GPC6: variants seen among roughly 807,000 people sequenced by gnomAD.
The protein encoded by GPC6 is glypican 6.
In GPC6, 14 loss-of-function variants were observed where a neutral mutation model predicts 55.2. That is an observed-to-expected ratio of 0.25 (90% confidence interval 0.17 to 0.40). The LOEUF (loss-of-function observed/expected upper bound fraction) is 0.40. Among genes scored for constraint, GPC6 ranks in the 10% least tolerant of loss-of-function variants. GPC6 has a pLI of 1.00. For synonymous variants in GPC6, 278 were observed against 259.6 expected, an observed-to-expected ratio of 1.07 and a Z score of -0.68; for missense variants, 641 against 708.5, an observed-to-expected ratio of 0.90 and a Z score of 1.08.
chr13:93,733,887 G>A (rs1228430801), intron 2 of GPC6, among the ~76,000 whole-genome samples: 2 of 152,108 alleles, frequency 1.3e-5, no homozygotes, highest in Non-Finnish European at 2.9e-5. Context: ...AGATGATGGT[G>A]GATGTTTTTC....
At chr13:93,748,156 G>A (rs554066398) in intron 2 of GPC6, among the ~76,000 whole-genome samples, 3 of 152,178 alleles carry the variant, frequency 2.0e-5, no homozygotes, top group East Asian at 3.9e-4. Context: ...TATTACCAAC[G>A]ATACTATTCT....
At chr13:94,271,366 A>ACACG (rs1491208962) in intron 4 of GPC6, among the ~76,000 whole-genome samples, 2 of 131,224 alleles carry the variant, frequency 1.5e-5, no homozygotes, top group African/African-American at 2.8e-5. Flanking sequence ...ACACACACAC[A>ACACG]CGCGCGCGCG....
intron 4 of GPC6, among the ~76,000 whole-genome samples, chr13:94,045,691 T>G (rs1284408315): frequency 2.7e-5 from 4 of 150,468 alleles, no homozygotes; most frequent in Non-Finnish European, 4.4e-5. Context: ...TGGCTGTAAC[T>G]CAGCCACTTG....
At chr13:93,835,768 A>AAATAAAT (rs1887710063) in intron 3 of GPC6, among the ~76,000 whole-genome samples, 1 of 152,154 alleles carries the variant, frequency 6.6e-6, no homozygotes, top group Non-Finnish European at 1.5e-5. Flanking sequence ...ATAAATAAAT[A>AAATAAAT]AATAAATTTA....
chr13:94,327,521 G>T (rs1877187669), intron 6 of GPC6, among the ~76,000 whole-genome samples: 1 of 152,130 alleles, frequency 6.6e-6, no homozygotes, highest in Non-Finnish European at 1.5e-5. Context: ...GTTTACTGCA[G>T]TCAGAGCAAA....
At chr13:93,314,729 G>A (rs1453674823) in intron 1 of GPC6, among the ~76,000 whole-genome samples, 12 of 113,204 alleles carry the variant, frequency 1.1e-4, no homozygotes, top group East Asian at 4.6e-4. Flanking sequence ...GTGTGTGTGT[G>A]TGTGTGTGTG....
intron 2 of GPC6, among the ~76,000 whole-genome samples, chr13:93,693,459 A>ATC (rs1175928614): frequency 9.1e-5 from 8 of 88,302 alleles, no homozygotes; most frequent in African/African-American, 2.8e-4. Flanking sequence ...GTGTATGTAT[A>ATC]TCTGTGTGTG....
At chr13:93,842,317 T>G (rs1321754474) in intron 3 of GPC6, among the ~76,000 whole-genome samples, 4 of 152,160 alleles carry the variant, frequency 2.6e-5, no homozygotes, top group Non-Finnish European at 4.4e-5. Flanking sequence ...CTTACGATAT[T>G]CTGCTGCATC....
chr13:93,633,249 G>A (rs1879536246), intron 2 of GPC6, among the ~76,000 whole-genome samples: 1 of 152,134 alleles, frequency 6.6e-6, no homozygotes, highest in African/African-American at 2.4e-5. Context: ...AGAATCATGG[G>A]ACACTGACTA....
intron 4 of GPC6, among the ~76,000 whole-genome samples, chr13:94,105,121 G>A (rs377350014): frequency 1.4e-4 from 21 of 152,248 alleles, no homozygotes; most frequent in South Asian, 4.1e-4. Context: ...GTGGGAGGCC[G>A]AGGCAAGAGG....
chr13:93,602,910 C>A (rs1375491067), intron 2 of GPC6, among the ~76,000 whole-genome samples: 1 of 152,196 alleles, frequency 6.6e-6, no homozygotes, highest in Non-Finnish European at 1.5e-5. Context: ...TAAGTCCATG[C>A]AAACATTTAA....
chr13:94,361,115 T>C (rs1217305028), intron 6 of GPC6, among the ~76,000 whole-genome samples: 1 of 152,232 alleles, frequency 6.6e-6, no homozygotes, highest in Non-Finnish European at 1.5e-5. Context: ...CTTTCAACAT[T>C]TTTTACAAAT....
chr13:93,352,316 T>A (rs990501184), intron 1 of GPC6, among the ~76,000 whole-genome samples: 19 of 152,226 alleles, frequency 1.2e-4, no homozygotes, highest in Non-Finnish European at 2.6e-4. Context: ...AAATTTATTC[T>A]TTTTAAAATT....
intron 4 of GPC6, among the ~76,000 whole-genome samples, chr13:94,109,183 A>G (rs376466834): frequency 6.6e-6 from 1 of 152,204 alleles, no homozygotes; most frequent in East Asian, 1.9e-4. Flanking sequence ...TCGTTTGCAT[A>G]AAGGGCCTAG....
At chr13:93,560,766 CAA>C (rs34043494) in intron 2 of GPC6, among the ~76,000 whole-genome samples, 268 of 125,350 alleles carry the variant, frequency 2.1e-3, no homozygotes, top group East Asian at 3.1e-3. Context: ...ACTCCGCCTC[CAA>C]AAAAAAAAAA....
chr13:93,794,035 T>C (rs2138926579), intron 2 of GPC6, among the ~76,000 whole-genome samples: 1 of 152,300 alleles, frequency 6.6e-6, no homozygotes, highest in Non-Finnish European at 1.5e-5. Flanking sequence ...ATAATTTCAG[T>C]ACTGCAAATG....
chr13:93,506,894 C>CA (rs34398987), intron 1 of GPC6, among the ~76,000 whole-genome samples: 12,485 of 122,874 alleles, frequency 0.1, 966 homozygotes, highest in East Asian at 0.46. Flanking sequence ...AAAGAAAATA[C>CA]AAAAAAAAAA....
intron 4 of GPC6, among the ~76,000 whole-genome samples, chr13:94,161,513 G>A (rs991837698): frequency 4.6e-5 from 7 of 152,084 alleles, no homozygotes; most frequent in Admixed American, 3.3e-4. Context: ...ACAAGACTTG[G>A]TATTCTCAGT....
intron 3 of GPC6, among the ~76,000 whole-genome samples, chr13:93,833,832 C>A (rs1287538936): frequency 6.6e-6 from 1 of 152,066 alleles, no homozygotes; most frequent in African/African-American, 2.4e-5. Flanking sequence ...TACAAACAGT[C>A]TTTTTCTAGC....
Sources: gnomAD v4.1 joint callset for allele counts (sites outside exome capture counted in the v4.1 genomes callset) on GRCh38, gnomAD v4.1.1 for gene constraint, MANE v1.5 for transcripts, NCBI Gene and HGNC (gene_info 2026-07-23, HGNC 2026-07-21) for gene names.